The following STAT5B variants were observed in gnomAD, a reference collection of about 807,000 sequenced individuals.
STAT5B encodes the protein transcription factor STAT5B.
In STAT5B, 21 loss-of-function variants were observed where a neutral mutation model predicts 107.8. That is an observed-to-expected ratio of 0.19 (90% CI 0.14 to 0.28). STAT5B has a LOEUF of 0.28. STAT5B is among the 10% of genes least tolerant of loss of function. STAT5B has a pLI of 1.00. For missense variants in STAT5B, 565 were observed against 1,008.2 expected (o/e 0.56, Z 5.95); for synonymous variants, 325 against 401.7 (o/e 0.81, Z 2.28).
intron 1 of STAT5B, among the ~76,000 whole-genome samples, chr17:42,240,588 A>G (rs938170310): frequency 1.3e-5 from 2 of 152,214 alleles, no homozygotes; most frequent in African/African-American, 4.8e-5. Flanking sequence ...TATAACTCTG[A>G]GAATATACTT....
rs2144241528 is a variant in STAT5B at position 42,217,297 on chromosome 17, C to T, written c.1258-15G>A. On this transcript the variant is annotated splice_polypyrimidine_tract_variant and intron_variant, in intron 10 of 18. Coordinates refer to ENST00000293328, the MANE Select transcript of STAT5B (RefSeq NM_012448.4). ...CGTTTCAGGGACTACAAAGAAGAAA[C>T]ATAAGATGAAACGTAAGATATAAGT... 2.5e-6 allele frequency: 4 copies of T among 1,614,202 alleles called. No homozygotes were observed. The highest frequency in any genetic ancestry group is 3.4e-6 in the Non-Finnish European group (4 of 1,180,030).
At chr17:42,286,959 G>A in the STAT5B span, among the ~76,000 whole-genome samples, 1 of 152,160 alleles carries the variant, frequency 6.6e-6, no homozygotes, top group South Asian at 2.1e-4. Context: ...CTAGCTCTGT[G>A]TCTGACCCTC....
At position 42,266,551 on chromosome 17, in the gene STAT5B, A is replaced by AT. The variant is rs1249841810; in HGVS notation, c.-11+9696_-11+9697insA. ...CAAGACACTGTCTCAAAAAATAAAA[A>AT]AAAAAAAAAAAAAATCATTCCCTTA... On this transcript the variant is annotated intron_variant, in intron 1 of 18. Transcript: ENST00000293328. Among the ~76,000 whole-genome samples the AT allele has an allele frequency of 9.2e-5, 14 of 151,822 alleles. No homozygotes were observed. In the East Asian group the frequency reaches 2.5e-3, roughly 27 times the overall value.
chr17:42,273,703 T>C (rs540677321), intron 1 of STAT5B, among the ~76,000 whole-genome samples: 1 of 152,332 alleles, frequency 6.6e-6, no homozygotes, highest in Non-Finnish European at 1.5e-5. Context: ...TATTTACCTA[T>C]CTATAACGTC....
intron 12 of STAT5B, chr17:42,214,330 T>C: frequency 1.0e-6 from 1 of 985,312 alleles, no homozygotes; most frequent in Non-Finnish European, 1.2e-6. Flanking sequence ...GGCAATCTTA[T>C]CTAGGAGGCT....
chr17:42,262,802 GTA>G (rs200282520), intron 1 of STAT5B, among the ~76,000 whole-genome samples: 4 of 92,300 alleles, frequency 4.3e-5, no homozygotes, highest in Admixed American at 1.9e-4. Flanking sequence ...ATATATGTGT[GTA>G]TATATACACA....
Position 42,201,338 on chromosome 17 carries a change from C to G in STAT5B, c.*400G>C. ...TGTGCTTTCTCCTCCCTTTGTCCTT[C>G]TCTTATTCAAACAGCCACATGTCAA... On this transcript the variant is annotated 3_prime_UTR_variant, in exon 19 of 19. Transcript: ENST00000293328. The G allele has an allele frequency of 1.8e-6, 1 of 567,030 alleles. No individual in the cohort carries two copies. The highest frequency in any genetic ancestry group is 2.4e-5 in the South Asian group (1 of 40,886). The allele number at this position is 567,030 out of a possible 1,614,324, so 35.1% of individuals were successfully genotyped here. A position where few individuals can be genotyped will look rare whatever the true frequency, so the allele number is the denominator to read the frequency against.
In STAT5B at chr17:42,201,188, T is replaced by TG. The variant is rs2080040687; in HGVS notation, c.*549dup. ...CCATTCCTACCCAAGAACACAGGGG[T>TG]GGGGGAGAGGGAAGGCTCTCTTTGT... On this transcript the variant is annotated 3_prime_UTR_variant, in exon 19 of 19. Coordinates refer to ENST00000293328, the MANE Select transcript of STAT5B (RefSeq NM_012448.4). 1.7e-5 allele frequency: 7 copies of TG among 412,536 alleles called. No homozygotes were observed. The highest frequency in any genetic ancestry group is 2.1e-4 in the South Asian group (2 of 9,732). The allele number at this position is 412,536 out of a possible 1,614,324, so 25.6% of individuals were successfully genotyped here.
intron 1 of STAT5B, among the ~76,000 whole-genome samples, chr17:42,254,376 G>C (rs1399202558): frequency 1.3e-5 from 2 of 151,996 alleles, no homozygotes; most frequent in Admixed American, 6.6e-5. Flanking sequence ...TAATAATAAA[G>C]TAGTCTACAG....
At chr17:42,277,840 C>T (rs1361816311), upstream of STAT5B, among the ~76,000 whole-genome samples, 2 of 151,384 alleles carry the variant, frequency 1.3e-5, no homozygotes, top group Non-Finnish European at 2.9e-5. Context: ...ACGGCAACCT[C>T]CACCTCCTGG....
chr17:42,240,782 A>G (rs1221537332), intron 1 of STAT5B, among the ~76,000 whole-genome samples: 1 of 152,164 alleles, frequency 6.6e-6, no homozygotes, highest in Non-Finnish European at 1.5e-5. Flanking sequence ...TTGAGGACTT[A>G]AGGTGGTTTG....
intron 1 of STAT5B, chr17:42,235,423 A>G (rs749376818): frequency 3.3e-5 from 5 of 152,194 alleles, no homozygotes; most frequent in African/African-American, 7.2e-5. Context: ...ATTGAACAAT[A>G]TATCAGTATG....
At chr17:42,214,532 C>G in intron 12 of STAT5B, 9 of 985,422 alleles carry the variant, frequency 9.1e-6, no homozygotes, top group Non-Finnish European at 1.1e-5. Flanking sequence ...TTACACACAA[C>G]TGGAAGGTAA....
At chr17:42,224,647 C>T in intron 4 of STAT5B, 132 bp downstream of exon 4, 2 of 893,958 alleles carry the variant, frequency 2.2e-6, no homozygotes, top group South Asian at 2.8e-5. Flanking sequence ...TCTTTTGTGC[C>T]CCTTAGGATG....
chr17:42,262,752 A>ATATATATG lies in STAT5B; in HGVS notation c.-11+13495_-11+13496insCATATATA, dbSNP rs139815589. On this transcript the variant is annotated intron_variant, in intron 1 of 18. Transcript: ENST00000293328. Reference sequence around the variant, plus strand: ...ATAACTTAGCAGAGTGTGTATATATATGTGTGTATATATATACATATATGT... The same window carrying ATATATATG: ...ATAACTTAGCAGAGTGTGTATATATATATATATGTGTGTGTATATATATACATATATGT... 2.4e-3 allele frequency among the ~76,000 whole-genome samples: 327 copies of ATATATATG among 138,344 alleles called. 2 individuals carry two copies. Among genetic ancestry groups the ATATATATG allele is most frequent in the African/African-American group, 5.8e-3 (215 of 37,228 alleles). The allele number at this position is 138,344 out of a possible 152,430, so 90.8% of individuals were successfully genotyped here.
At position 42,217,475 on chromosome 17, in the gene STAT5B, G is replaced by C; in HGVS notation, c.1170-11C>G. ...TCGCCACTGTAATCACTGCAAATCA[G>C]AGAGAGACCAGCTCCAAACCCATGC... On this transcript the variant is annotated splice_polypyrimidine_tract_variant and intron_variant, in intron 9 of 18. Transcript: ENST00000293328. 1.9e-6 allele frequency: 3 copies of C among 1,614,146 alleles called. No homozygotes were observed. The highest frequency in any genetic ancestry group is 2.5e-6 in the Non-Finnish European group (3 of 1,180,016).
At chr17:42,242,367 AT>A (rs1357406435) in intron 1 of STAT5B, among the ~76,000 whole-genome samples, 1 of 152,182 alleles carries the variant, frequency 6.6e-6, no homozygotes, top group African/African-American at 2.4e-5. Context: ...GGGGAACAGC[AT>A]TTAGTCTCAA....
chr17:42,213,479 T>C (rs553404362), intron 12 of STAT5B, among the ~76,000 whole-genome samples: 3 of 152,288 alleles, frequency 2.0e-5, no homozygotes, highest in South Asian at 2.1e-4. Context: ...AGTGCTGGGA[T>C]TGCAGGCATA....
intron 1 of STAT5B, among the ~76,000 whole-genome samples, chr17:42,233,656 A>G (rs1307585319): frequency 6.6e-6 from 1 of 151,764 alleles, no homozygotes; most frequent in Non-Finnish European, 1.5e-5. Context: ...ACGCCCGGAT[A>G]ATTTTTTGTA....
Sources: gnomAD v4.1 joint callset for allele counts (sites outside exome capture counted in the v4.1 genomes callset) on GRCh38, gnomAD v4.1.1 for gene constraint, MANE v1.5 for transcripts, NCBI Gene and HGNC (gene_info 2026-07-23, HGNC 2026-07-21) for gene names.